The following ARHGAP26 variants were observed in gnomAD, a reference collection of about 807,000 sequenced individuals.
The protein encoded by ARHGAP26 is rho GTPase-activating protein 26.
Under a neutral mutation model 104.8 loss-of-function variants are expected in ARHGAP26, and 38 were observed. That is an observed-to-expected ratio of 0.36 (90% CI 0.28 to 0.48). The LOEUF is 0.48. Among genes scored for constraint, ARHGAP26 ranks in the 20% least tolerant of loss-of-function variants. ARHGAP26 has a pLI of 0.99. For missense variants in ARHGAP26, 704 were observed against 947.9 expected (o/e 0.74, Z 3.38); for synonymous variants, 341 against 340.0 (o/e 1.00, Z -0.03).
At chr5:143,026,624 C>T (rs1781097345) in intron 12 of ARHGAP26, among the ~76,000 whole-genome samples, 1 of 152,074 alleles carries the variant, frequency 6.6e-6, no homozygotes, top group African/African-American at 2.4e-5. Flanking sequence ...GGAGGAGGCC[C>T]TGGGGGTGAG....
intron 11 of ARHGAP26, among the ~76,000 whole-genome samples, chr5:142,952,534 G>A (rs1208549408): frequency 2.0e-5 from 3 of 152,184 alleles, no homozygotes; most frequent in Non-Finnish European, 4.4e-5. Context: ...ATAGGGTGGA[G>A]TGCTGGGGCA....
chr5:143,136,651 A>G (rs1797945889), intron 19 of ARHGAP26, among the ~76,000 whole-genome samples: 1 of 152,180 alleles, frequency 6.6e-6, no homozygotes, highest in African/African-American at 2.4e-5. Flanking sequence ...TGACTGGGGA[A>G]GACTGAGCTA....
At chr5:143,103,245 C>A in intron 17 of ARHGAP26, 12 of 984,814 alleles carry the variant, frequency 1.2e-5, no homozygotes, top group Non-Finnish European at 1.4e-5. Flanking sequence ...GGAAAAAGTT[C>A]AATATCATTA....
chr5:143,190,035 G>GA (rs1342197102), intron 20 of ARHGAP26, among the ~76,000 whole-genome samples: 35 of 144,828 alleles, frequency 2.4e-4, no homozygotes, highest in Admixed American at 8.2e-4. Flanking sequence ...GGAGGGGGGG[G>GA]AAAAAAAAAA....
chr5:143,058,299 A>C (rs534740217), intron 17 of ARHGAP26: 2 of 245,302 alleles, frequency 8.2e-6, no homozygotes, highest in South Asian at 7.1e-5. Flanking sequence ...TTGAAGTTAC[A>C]TGCATTAAAG....
At chr5:143,080,720 G>A (rs1219598055) in intron 17 of ARHGAP26, among the ~76,000 whole-genome samples, 1 of 152,212 alleles carries the variant, frequency 6.6e-6, no homozygotes, top group African/African-American at 2.4e-5. Context: ...GAAGAAGTTT[G>A]AATTCTGTTC....
rs138079878 is a variant in ARHGAP26 at position 143,162,255 on chromosome 5, A to G, written c.1988+14874A>G. 4.0e-5 allele frequency among the ~76,000 whole-genome samples: 6 copies of G among 148,312 alleles called. No individual in the cohort carries two copies. In the East Asian group the frequency reaches 1.2e-3, roughly 29 times the overall value. ...ATAACTCTGCTTCTTCTGGAGGAGA[A>G]ACAGACACTCTACTCCCAAACACAC... is the stretch of plus-strand genomic sequence containing the variant. On this transcript the variant is annotated intron_variant, in intron 20 of 22. Coordinates refer to ENST00000645722, the MANE Select transcript of ARHGAP26 (RefSeq NM_001135608.3).
intron 20 of ARHGAP26, among the ~76,000 whole-genome samples, chr5:143,159,810 A>G (rs1800962925): frequency 6.6e-6 from 1 of 152,224 alleles, no homozygotes; most frequent in Non-Finnish European, 1.5e-5. Context: ...ATTTCTGGGA[A>G]GATACAGGGG....
intron 1 of ARHGAP26, among the ~76,000 whole-genome samples, chr5:142,786,654 A>ATTTTTTTTTTTTTT: frequency 9.6e-6 from 1 of 104,444 alleles, no homozygotes; most frequent in Non-Finnish European, 2.0e-5. Flanking sequence ...GAGTTCTAGA[A>ATTTTTTTTTTTTTT]TTTTTTTTTT....
At chr5:142,808,339 C>G (rs1256749668) in intron 1 of ARHGAP26, among the ~76,000 whole-genome samples, 1 of 142,682 alleles carries the variant, frequency 7.0e-6, no homozygotes, top group Non-Finnish European at 1.5e-5. Context: ...GCTTGTTAAA[C>G]TCAGCATAGT....
At chr5:142,852,960 C>A (rs186685941) in intron 1 of ARHGAP26, among the ~76,000 whole-genome samples, 1 of 152,272 alleles carries the variant, frequency 6.6e-6, no homozygotes, top group East Asian at 1.9e-4. Context: ...TTTGCAGAGG[C>A]CTGCTGCTTT....
intron 20 of ARHGAP26, among the ~76,000 whole-genome samples, chr5:143,166,711 G>T (rs996296270): frequency 6.6e-6 from 1 of 152,212 alleles, no homozygotes; most frequent in Non-Finnish European, 1.5e-5. Flanking sequence ...TGGAGACCTT[G>T]AGGCAGGGGA....
chr5:142,940,345 G>T (rs975978640), intron 11 of ARHGAP26, among the ~76,000 whole-genome samples: 7 of 152,024 alleles, frequency 4.6e-5, no homozygotes, highest in Non-Finnish European at 1.0e-4. Flanking sequence ...TTAGGTTCAG[G>T]GGTACATGTG....
At chr5:143,132,654 A>G (rs1468873202) in intron 18 of ARHGAP26, among the ~76,000 whole-genome samples, 7 of 152,176 alleles carry the variant, frequency 4.6e-5, no homozygotes, top group Non-Finnish European at 1.0e-4. Flanking sequence ...GGAATAATTC[A>G]TACAAAGCAT....
At chr5:142,995,473 T>C (rs1337275065) in intron 11 of ARHGAP26, among the ~76,000 whole-genome samples, 2 of 152,212 alleles carry the variant, frequency 1.3e-5, no homozygotes, top group African/African-American at 4.8e-5. Flanking sequence ...TACCATCTCA[T>C]GCCAGTTAGA....
chr5:142,781,513 G>T (rs1209729545), intron 1 of ARHGAP26, among the ~76,000 whole-genome samples: 1 of 152,148 alleles, frequency 6.6e-6, no homozygotes, highest in East Asian at 1.9e-4. Context: ...GCAGAAGTAT[G>T]TGAGAGAATG....
chr5:143,108,466 T>C (rs1196889530), intron 17 of ARHGAP26, among the ~76,000 whole-genome samples: 1 of 152,178 alleles, frequency 6.6e-6, no homozygotes, highest in African/African-American at 2.4e-5. Context: ...TAATCAAATA[T>C]CCAAACATAA....
At chr5:143,186,864 T>C (rs141914570) in intron 20 of ARHGAP26, among the ~76,000 whole-genome samples, 4 of 152,320 alleles carry the variant, frequency 2.6e-5, no homozygotes, top group African/African-American at 9.6e-5. Flanking sequence ...TCTCTTTCCA[T>C]TTGGTTGCAT....
At chr5:143,207,423 C>A in intron 21 of ARHGAP26, 115 bp downstream of exon 21, 1 of 1,614,130 alleles carries the variant, frequency 6.2e-7, no homozygotes, top group Non-Finnish European at 8.5e-7. Flanking sequence ...GCCATCCAAA[C>A]CTGCACTTGC....
Sources: allele counts gnomAD v4.1 joint callset (sites outside exome capture counted in the v4.1 genomes callset), GRCh38; gene constraint gnomAD v4.1.1; transcripts MANE v1.5; gene names NCBI Gene and HGNC (gene_info 2026-07-23, HGNC 2026-07-21).